The following MGST1 variants were observed in gnomAD, a reference collection of about 807,000 sequenced individuals.
The protein encoded by MGST1 is glutathione S-transferase 12.
MGST1 carries 5 observed loss-of-function variants against 8.9 expected under a neutral mutation model. That is an observed-to-expected ratio of 0.56 (90% CI 0.29 to 1.19). MGST1 has a LOEUF of 1.19. Ranked by LOEUF, MGST1 falls within the 50% of genes most tolerant of loss-of-function variation. MGST1 has a pLI of 0.08. For missense variants in MGST1, 182 were observed against 187.4 expected (o/e 0.97, Z 0.17); for synonymous variants, 54 against 67.8 (o/e 0.80, Z 1.00).
intron 1 of MGST1, 24 bp from the exon 2 acceptor site, chr12:16,354,207 C>G (rs1037541374): frequency 6.6e-7 from 1 of 1,522,948 alleles, no homozygotes; most frequent in Non-Finnish European, 8.8e-7. Flanking sequence ...CTGCTTTTTC[C>G]CATTTTATTT....
At position 16,482,821 on chromosome 12, in the gene MGST1, A is replaced by C. The variant is rs1941373776; in HGVS notation, n.482+99217A>C. Among the ~76,000 whole-genome samples the C allele has an allele frequency of 6.6e-6, 1 of 152,156 alleles. No homozygotes were observed. Among genetic ancestry groups the C allele is most frequent in the African/African-American group, 2.4e-5 (1 of 41,434 alleles). On this transcript the variant is annotated intron_variant and non_coding_transcript_variant, in intron 4 of 4. Coordinates refer to the MGST1 transcript ENST00000538857. This position sits in a 1 kb window ranked among gnomAD's most constrained non-coding sequence, Gnocchi z 4.2. ...ACCTTACCCAGTGTCAAGCTTGACT[A>C]ATCATTTCAAGGATTCAGCAATCAG...
chr12:16,532,974 T>A (rs984871507), intron 4 of MGST1, among the ~76,000 whole-genome samples: 4 of 152,154 alleles, frequency 2.6e-5, no homozygotes, highest in Non-Finnish European at 4.4e-5. Flanking sequence ...TATCTTTTTG[T>A]TGAATCTCAG....
Position 16,458,877 on chromosome 12 carries a change from G to C in MGST1, n.482+75273G>C, listed in dbSNP as rs200967593. ...CATGTTCAGTGATAAGTAGTGGCTT[G>C]TTAGGAAAGCTATATGACCTATCCT... On this transcript the variant is annotated intron_variant and non_coding_transcript_variant, in intron 4 of 4. Coordinates refer to the MGST1 transcript ENST00000538857. This position sits in a 1 kb window ranked among gnomAD's most constrained non-coding sequence, Gnocchi z 4.0. 1.3e-5 allele frequency among the ~76,000 whole-genome samples: 2 copies of C among 151,404 alleles called. No homozygotes were observed. The highest frequency in any genetic ancestry group is 3.9e-4 in the East Asian group (2 of 5,136).
intron 3 of MGST1, among the ~76,000 whole-genome samples, chr12:16,371,263 A>G (rs1940288196): frequency 6.6e-6 from 1 of 152,086 alleles, no homozygotes; most frequent in Non-Finnish European, 1.5e-5. Context: ...CCTAGTCCAA[A>G]TGTGTACAGA....
downstream of MGST1, among the ~76,000 whole-genome samples, chr12:16,593,001 A>T (rs1943542090): frequency 6.6e-6 from 1 of 151,754 alleles, no homozygotes; most frequent in African/African-American, 2.4e-5. The surrounding 1 kb of genome is among the most constrained non-coding windows in gnomAD (Gnocchi z 4.2). Context: ...GCTTGTTGGG[A>T]TCCCACAGCA....
intron 4 of MGST1, among the ~76,000 whole-genome samples, chr12:16,462,631 TAGAA>T (rs1378290929): frequency 4.6e-5 from 7 of 152,094 alleles, no homozygotes; most frequent in African/African-American, 1.4e-4. Context: ...GCTGAGATAA[TAGAA>T]AGAATCCTGG....
downstream of MGST1, among the ~76,000 whole-genome samples, chr12:16,380,972 C>CT (rs200348027): frequency 3.5e-3 from 538 of 152,078 alleles, 4 homozygotes; most frequent in African/African-American, 0.012. Context: ...CAATCCCTGC[C>CT]TTTTTTCTTT....
intron 4 of MGST1, among the ~76,000 whole-genome samples, chr12:16,515,670 T>C (rs897335373): frequency 2.0e-5 from 3 of 151,762 alleles, no homozygotes; most frequent in African/African-American, 7.3e-5. Flanking sequence ...ATAAAGAATG[T>C]AATTTTCTGC....
At chr12:16,449,768 C>T (rs1353621938) in intron 4 of MGST1, among the ~76,000 whole-genome samples, 1 of 151,980 alleles carries the variant, frequency 6.6e-6, no homozygotes, top group Non-Finnish European at 1.5e-5. Context: ...AGTCCTTCCA[C>T]TCATCCATCT....
At chr12:16,399,984 G>A in intron 1 of MGST1, 1 of 1,416,034 alleles carries the variant, frequency 7.1e-7, no homozygotes, top group Non-Finnish European at 1.0e-6. Flanking sequence ...GCTGAAGGAG[G>A]CAGGTACTCC....
chr12:16,484,651 G>C (rs1349825797), intron 4 of MGST1, among the ~76,000 whole-genome samples: 1 of 152,040 alleles, frequency 6.6e-6, no homozygotes, highest in Non-Finnish European at 1.5e-5. Flanking sequence ...GAGCAAAGAG[G>C]TAGTTGCTAC....
chr12:16,354,046 C>T (rs901957153), intron 1 of MGST1, among the ~76,000 whole-genome samples, 185 bp from the exon 2 acceptor site: 5 of 152,154 alleles, frequency 3.3e-5, no homozygotes, highest in Admixed American at 1.3e-4. Context: ...CAGGTATAAG[C>T]CACTGCGTTC....
At chr12:16,400,784 G>T in intron 1 of MGST1, 1 of 1,247,218 alleles carries the variant, frequency 8.0e-7, no homozygotes, top group Non-Finnish European at 1.2e-6. Flanking sequence ...GTGAAAAGGT[G>T]TTGCAATGCC....
intron 1 of MGST1, among the ~76,000 whole-genome samples, chr12:16,386,830 G>A (rs1940507751): frequency 6.6e-6 from 1 of 152,182 alleles, no homozygotes; most frequent in Non-Finnish European, 1.5e-5. Flanking sequence ...TAAGTAGAGT[G>A]ATGAAATCTA....
chr12:16,492,385 A>C (rs1222915967), intron 4 of MGST1, among the ~76,000 whole-genome samples: 5 of 152,126 alleles, frequency 3.3e-5, no homozygotes, highest in African/African-American at 1.2e-4. Context: ...CCAATGTGGC[A>C]GCTTGTAGCT....
chr12:16,358,612 A>G (rs1328572545), intron 3 of MGST1, among the ~76,000 whole-genome samples: 1 of 151,542 alleles, frequency 6.6e-6, no homozygotes, highest in African/African-American at 2.4e-5. Flanking sequence ...GACTACAGGC[A>G]TGTGCCACCA....
intron 1 of MGST1, among the ~76,000 whole-genome samples, chr12:16,431,292 T>A (rs565833755): frequency 4.6e-5 from 7 of 152,298 alleles, no homozygotes; most frequent in South Asian, 2.1e-4. Context: ...CATTCATGTG[T>A]TGACTGGAGT....
chr12:16,375,561 T>G (rs573754670), intron 3 of MGST1, among the ~76,000 whole-genome samples: 3 of 152,078 alleles, frequency 2.0e-5, no homozygotes, highest in African/African-American at 4.8e-5. Flanking sequence ...TTGGTAGTAG[T>G]GTTGATATTA....
In MGST1 at chr12:16,587,331, T is replaced by C. The variant is rs1943350722; in HGVS notation, n.483-2197T>C. ...TGCAGTGTTACAGCTTTCTAAATGG[T>C]AAGTAACTGTTTAAAAATTCCAAAG... On this transcript the variant is annotated intron_variant and non_coding_transcript_variant, in intron 4 of 4. Transcript: ENST00000538857. The surrounding 1 kb of genome is among the most constrained non-coding windows in gnomAD (Gnocchi z 4.3). 6.6e-6 allele frequency among the ~76,000 whole-genome samples: 1 copy of C among 152,220 alleles called. No homozygotes were observed. The highest frequency in any genetic ancestry group is 2.4e-5 in the African/African-American group (1 of 41,462).
Sources: allele counts gnomAD v4.1 joint callset (sites outside exome capture counted in the v4.1 genomes callset), GRCh38; gene constraint gnomAD v4.1.1; non-coding constraint Gnocchi (gnomAD v3.1); transcripts MANE v1.5; gene names NCBI Gene and HGNC (gene_info 2026-07-23, HGNC 2026-07-21).